CCDC82: variants seen among roughly 807,000 people sequenced by gnomAD.
CCDC82 encodes the protein coiled-coil domain containing 82.
A neutral mutation model predicts 60.6 loss-of-function variants in CCDC82; 47 were observed. The ratio of observed to expected loss-of-function variants is 0.77; its 90% CI spans 0.61 to 0.99. The LOEUF (loss-of-function observed/expected upper bound fraction) is 0.99, where lower values mean the gene tolerates loss of function less well. CCDC82 is among the 50% of genes least tolerant of loss of function. CCDC82 has a pLI of 0.00. For synonymous variants in CCDC82, 212 were observed against 207.4 expected, an observed-to-expected ratio of 1.02 and a Z score of -0.19; for missense variants, 588 against 633.0, an observed-to-expected ratio of 0.93 and a Z score of 0.76.
intron 1 of CCDC82, chr11:96,388,236 G>A (rs930844705): frequency 2.6e-5 from 4 of 152,358 alleles, no homozygotes; most frequent in Middle Eastern, 6.8e-3. Flanking sequence ...GTGAAGGAAA[G>A]CTAGTTTGAT....
chr11:96,366,310 T>C (rs1175797365), intron 7 of CCDC82, among the ~76,000 whole-genome samples: 1 of 152,250 alleles, frequency 6.6e-6, no homozygotes, highest in Non-Finnish European at 1.5e-5. Context: ...ATTCTTTATC[T>C]TTTGAAGCAT....
chr11:96,361,054 G>A (rs1379998091), intron 8 of CCDC82, among the ~76,000 whole-genome samples: 1 of 152,156 alleles, frequency 6.6e-6, no homozygotes, highest in Non-Finnish European at 1.5e-5. Context: ...AAGCAGTCCT[G>A]GTAGTAATGA....
intron 5 of CCDC82, among the ~76,000 whole-genome samples, chr11:96,376,572 C>T (rs1015652456): frequency 1.6e-4 from 24 of 151,802 alleles, no homozygotes; most frequent in African/African-American, 4.4e-4. Flanking sequence ...GGATTACAGG[C>T]GCCCGCCACC....
chr11:96,370,173 A>G (rs1865186629), intron 7 of CCDC82, among the ~76,000 whole-genome samples: 1 of 152,220 alleles, frequency 6.6e-6, no homozygotes, highest in Non-Finnish European at 1.5e-5. Context: ...CCTTGGATGA[A>G]ACCAAATCTC....
chr11:96,373,652 T>G (rs1865408400), intron 5 of CCDC82, among the ~76,000 whole-genome samples, 185 bp from the exon 6 acceptor site: 1 of 152,204 alleles, frequency 6.6e-6, no homozygotes, highest in Admixed American at 6.5e-5. Flanking sequence ...TTTCCAAACT[T>G]ACTGGCTTCC....
chr11:96,358,440 G>GA, intron 9 of CCDC82: 1 of 1,229,278 alleles, frequency 8.1e-7, no homozygotes, highest in Non-Finnish European at 1.0e-6. Flanking sequence ...GGATATGGGG[G>GA]AATCAAAATC....
In CCDC82 at chr11:96,371,060, G is replaced by A. The variant is rs755300587; in HGVS notation, c.1162C>T (p.Arg388Cys). Reference sequence around the variant, plus strand: ...CTTCTAGATACCAAGCTCTCTAGACGAGGCTGAACAAAGCGGTTATCCAAA... The same window carrying A: ...CTTCTAGATACCAAGCTCTCTAGACAAGGCTGAACAAAGCGGTTATCCAAA... ...HYLDNRFVQP[R>C]LESLVSRSRW... is the part of the protein sequence containing the mutation. The change falls in exon 7 of 10, where the codon CGT becomes TGT. Residue 388 changes from arginine (R) to cysteine (C), a missense_variant. Arg to Cys is a radical substitution (Grantham distance 180). Coordinates refer to ENST00000646818, the MANE Select transcript of CCDC82 (RefSeq NM_024725.4). The A allele has an allele frequency of 6.8e-6, 11 of 1,606,746 alleles. No homozygotes were observed. Among genetic ancestry groups the A allele is most frequent in the Non-Finnish European group, 9.3e-6 (11 of 1,176,888 alleles).
At chr11:96,379,610 T>C (rs1406558252) in intron 5 of CCDC82, among the ~76,000 whole-genome samples, 5 of 151,864 alleles carry the variant, frequency 3.3e-5, no homozygotes, top group Non-Finnish European at 5.9e-5. Flanking sequence ...TTTACTACTT[T>C]ATATACCATA....
intron 5 of CCDC82, chr11:96,381,322 A>T (rs1435237244): frequency 4.0e-5 from 6 of 151,732 alleles, no homozygotes; most frequent in Non-Finnish European, 3.0e-5. Context: ...TAAGGAAAAC[A>T]GTCATTAACT....
intron 2 of CCDC82, chr11:96,387,112 T>G (rs1866239026): frequency 6.6e-6 from 1 of 152,238 alleles, no homozygotes; most frequent in Non-Finnish European, 1.5e-5. Context: ...GGCTTTCTAA[T>G]AAACCTGTTT....
intron 8 of CCDC82, among the ~76,000 whole-genome samples, chr11:96,362,339 T>C (rs1864706657): frequency 6.6e-6 from 1 of 152,176 alleles, no homozygotes; most frequent in Non-Finnish European, 1.5e-5. Flanking sequence ...AAACAGTAAG[T>C]CTGGGGAAAA....
intron 3 of CCDC82, 72 bp from the exon 4 acceptor site, chr11:96,384,833 A>G (rs1036365855): frequency 3.2e-6 from 3 of 928,560 alleles, no homozygotes; most frequent in Non-Finnish European, 4.6e-6. Flanking sequence ...TATGGTATAA[A>G]TTATATTTAT....
intron 5 of CCDC82, among the ~76,000 whole-genome samples, chr11:96,375,486 T>C (rs1229867140): frequency 1.3e-5 from 2 of 152,206 alleles, no homozygotes; most frequent in African/African-American, 4.8e-5. Context: ...GGTGGGTTAA[T>C]GCTCCTGGAA....
Position 96,384,633 on chromosome 11 carries a change from C to T in CCDC82, c.115G>A (p.Asp39Asn). 1 of 1,613,602 alleles carries T rather than the reference C, an allele frequency of 6.2e-7. No homozygotes were observed. Among genetic ancestry groups the T allele is most frequent in the African/African-American group, 1.3e-5 (1 of 75,016 alleles). The part of the protein sequence containing the change: ...TKRSSISQLL[D>N]SDEELDSEEF... ...TCACTATCAAGCTCTTCATCACTAT[C>T]AAGTAATTGTGAGATACTACTTCTT... Residue 39 changes from aspartate to asparagine, a missense_variant, in exon 4 of 10, where the codon GAT becomes AAT. Asp to Asn is a conservative substitution (Grantham distance 23). Coordinates refer to ENST00000646818, the MANE Select transcript of CCDC82 (RefSeq NM_024725.4).
chr11:96,383,282 T>C lies in CCDC82; in HGVS notation c.978A>G (p.Lys326=), dbSNP rs773614417. ...TATTGAACTTACAAAGAGAATTCTG[T>C]TTTACTAATTTCAGTTGTGATGTAG... The part of the protein sequence containing the change: ...KLTTSQLKLV[K]QNSLYSFSDH... The change falls in exon 5 of 10, where the codon AAA becomes AAG. Residue 326 remains lysine (K), a synonymous_variant. Coordinates refer to ENST00000646818, the MANE Select transcript of CCDC82 (RefSeq NM_024725.4). 3.0e-5 allele frequency: 47 copies of C among 1,552,666 alleles called. No individual in the cohort carries two copies. The highest frequency in any genetic ancestry group is 4.1e-5 in the Non-Finnish European group (46 of 1,125,484).
chr11:96,389,723 A>T (rs1035724327), intron 1 of CCDC82, 121 bp downstream of exon 1: 2 of 152,362 alleles, frequency 1.3e-5, no homozygotes. Flanking sequence ...CGCCCGCGGG[A>T]ATTTTTCTCT....
chr11:96,366,439 CCCA>C (rs1437198037), intron 7 of CCDC82, among the ~76,000 whole-genome samples: 5 of 152,210 alleles, frequency 3.3e-5, no homozygotes, highest in African/African-American at 1.2e-4. Flanking sequence ...TTCAGTATCA[CCCA>C]CCACAATATG....
rs1424181813 is a variant in CCDC82, at chr11:96,384,560, T to C, written c.188A>G (p.Asn63Ser). The C allele has an allele frequency of 1.9e-6, 3 of 1,613,558 alleles. No individual in the cohort carries two copies. Among genetic ancestry groups the C allele is most frequent in the African/African-American group, 2.7e-5 (2 of 74,904 alleles). Residue 63 changes from asparagine to serine, a missense_variant, in exon 4 of 10, where the codon AAT becomes AGT. Coordinates refer to ENST00000646818, the MANE Select transcript of CCDC82 (RefSeq NM_024725.4). ...CTTGTTACTATCAAGCTCTTCATCA[T>C]TTTCAAAACTTTCATCACTATCAAG... ...EELDSDESFE[N>S]DEELDSNKGP...
rs571179678 is a variant in CCDC82 at position 96,365,162 on chromosome 11, A to G, written c.1210-12T>C. ...TTTTCTACTCGCTCCTGAAAACAAAAAATATAAAAAAAAGTTTAAAAGATA... is the reference window on the plus strand; with the variant it reads ...TTTTCTACTCGCTCCTGAAAACAAAGAATATAAAAAAAAGTTTAAAAGATA... On this transcript the variant is annotated splice_polypyrimidine_tract_variant and intron_variant, in intron 7 of 9. Transcript: ENST00000646818. The G allele has an allele frequency of 6.7e-7, 1 of 1,484,756 alleles. No individual in the cohort carries two copies. The highest frequency in any genetic ancestry group is 2.4e-5 in the East Asian group (1 of 41,598). The allele number at this position is 1,484,756 out of a possible 1,614,324, so 92.0% of individuals were successfully genotyped here. A position where few individuals can be genotyped will look rare whatever the true frequency, so the allele number is the denominator to read the frequency against.
Sources: gnomAD v4.1 joint callset for allele counts (sites outside exome capture counted in the v4.1 genomes callset) on GRCh38, gnomAD v4.1.1 for gene constraint, MANE v1.5 for transcripts, NCBI Gene and HGNC (gene_info 2026-07-23, HGNC 2026-07-21) for gene names.